Variants in MLLT3 observed in about 807,000 individuals in gnomAD.
The protein encoded by MLLT3 is protein AF-9.
In MLLT3, 4 loss-of-function variants were observed where a neutral mutation model predicts 53.2. The observed-to-expected ratio is 0.08, with a 90% CI of 0.04 to 0.17. MLLT3 has a LOEUF of 0.17. Ranked by LOEUF, MLLT3 falls within the 10% of genes least tolerant of loss-of-function variation. MLLT3 has a pLI of 1.00. For missense variants in MLLT3, 569 were observed against 684.0 expected, an observed-to-expected ratio of 0.83 and a Z score of 1.87; for synonymous variants, 283 against 230.6, an observed-to-expected ratio of 1.23 and a Z score of -2.06.
intron 2 of MLLT3, among the ~76,000 whole-genome samples, chr9:20,487,352 T>G (rs1219805707): frequency 6.6e-6 from 1 of 152,164 alleles, no homozygotes; most frequent in Admixed American, 6.5e-5. Flanking sequence ...ATAGGACTTT[T>G]GCTACTAGGA....
intron 2 of MLLT3, among the ~76,000 whole-genome samples, chr9:20,599,506 T>C (rs1231940484): frequency 1.3e-5 from 2 of 150,864 alleles, no homozygotes; most frequent in Admixed American, 6.6e-5. Flanking sequence ...TTTCTCCCCA[T>C]TGTCCATGGT....
chr9:20,353,491 T>C, intron 10 of MLLT3, 34 bp downstream of exon 10: 1 of 1,590,624 alleles, frequency 6.3e-7, no homozygotes, highest in South Asian at 1.1e-5. Context: ...TCTTGAAGTT[T>C]CTGGAAAGGG....
intron 2 of MLLT3, among the ~76,000 whole-genome samples, chr9:20,467,968 C>G (rs569603029): frequency 6.6e-6 from 1 of 152,108 alleles, no homozygotes; most frequent in Non-Finnish European, 1.5e-5. Context: ...GTATGTATAA[C>G]GTGGAGACAG....
chr9:20,397,445 G>A (rs1331078475), intron 5 of MLLT3, among the ~76,000 whole-genome samples: 1 of 152,064 alleles, frequency 6.6e-6, no homozygotes, highest in Non-Finnish European at 1.5e-5. Flanking sequence ...ATGCTTTTCA[G>A]GCGATTGGAG....
chr9:20,379,472 T>A (rs1821855103), intron 5 of MLLT3, among the ~76,000 whole-genome samples: 1 of 152,066 alleles, frequency 6.6e-6, no homozygotes, highest in Non-Finnish European at 1.5e-5. Context: ...TTGAATTTTC[T>A]CTAGCCCTAA....
intron 5 of MLLT3, among the ~76,000 whole-genome samples, chr9:20,396,471 A>T (rs978775953): frequency 6.6e-6 from 1 of 152,146 alleles, no homozygotes; most frequent in Admixed American, 6.5e-5. Flanking sequence ...TCACAGAGCT[A>T]GTTAAACTGT....
At chr9:20,359,027 C>A (rs899745710) in intron 8 of MLLT3, among the ~76,000 whole-genome samples, 6 of 151,700 alleles carry the variant, frequency 4.0e-5, no homozygotes, top group Admixed American at 3.9e-4. Context: ...CACCTGTAGT[C>A]CCAGCTACTC....
intron 4 of MLLT3, among the ~76,000 whole-genome samples, chr9:20,417,110 T>C (rs1417173892): frequency 6.6e-6 from 1 of 150,910 alleles, no homozygotes; most frequent in Non-Finnish European, 1.5e-5. Context: ...GTAGCTCAGA[T>C]ACACAGCCAG....
intron 10 of MLLT3, among the ~76,000 whole-genome samples, chr9:20,350,575 A>G (rs1401546739): frequency 7.5e-6 from 1 of 133,320 alleles, no homozygotes; most frequent in Admixed American, 7.3e-5. Flanking sequence ...AGCCTGGGCG[A>G]CAGAGCGAGA....
chr9:20,378,353 C>T lies in MLLT3; in HGVS notation c.1126-12609G>A, dbSNP rs950435252. Among the ~76,000 whole-genome samples, 16 of 152,084 alleles carry T rather than the reference C, an allele frequency of 1.1e-4. 1 individual carries two copies. Among genetic ancestry groups the T allele is most frequent in the East Asian group, 5.8e-4 (3 of 5,188 alleles). ...CATGATTTCAAGCTCTGGAGTGATACATGCTAAATAAACAGGACAGTCTCA... is the reference window on the plus strand; with the variant it reads ...CATGATTTCAAGCTCTGGAGTGATATATGCTAAATAAACAGGACAGTCTCA... On this transcript the variant is annotated intron_variant, in intron 5 of 10. Transcript: ENST00000380338.
intron 2 of MLLT3, among the ~76,000 whole-genome samples, chr9:20,542,473 A>T (rs1241552143): frequency 6.6e-6 from 1 of 152,052 alleles, no homozygotes; most frequent in Non-Finnish European, 1.5e-5. Flanking sequence ...GATGGTCTCG[A>T]TCTCCTGACC....
intron 2 of MLLT3, among the ~76,000 whole-genome samples, chr9:20,541,655 C>T (rs1818633850): frequency 6.6e-6 from 1 of 152,296 alleles, no homozygotes; most frequent in Admixed American, 6.5e-5. Flanking sequence ...CCTCCCCTGA[C>T]ATGTGGGAAT....
At chr9:20,375,266 A>C (rs947941079) in intron 5 of MLLT3, among the ~76,000 whole-genome samples, 1 of 152,268 alleles carries the variant, frequency 6.6e-6, no homozygotes, top group Non-Finnish European at 1.5e-5. Flanking sequence ...TAGGTGAATT[A>C]GAACCGGATT....
chr9:20,530,674 G>C (rs753781656), intron 2 of MLLT3, among the ~76,000 whole-genome samples: 10 of 152,164 alleles, frequency 6.6e-5, no homozygotes, highest in Non-Finnish European at 1.2e-4. Flanking sequence ...TGTATAAATT[G>C]CTTGCACATT....
At chr9:20,370,431 C>A (rs1475057397) in intron 5 of MLLT3, among the ~76,000 whole-genome samples, 1 of 152,036 alleles carries the variant, frequency 6.6e-6, no homozygotes, top group Non-Finnish European at 1.5e-5. Context: ...TCCCTATTCC[C>A]TGAGATACAA....
intron 4 of MLLT3, among the ~76,000 whole-genome samples, chr9:20,446,314 C>T (rs1344241787): frequency 1.3e-5 from 2 of 152,122 alleles, no homozygotes; most frequent in Non-Finnish European, 2.9e-5. Context: ...AGCACTTAAA[C>T]ACAAAGAAGG....
In MLLT3 at chr9:20,621,705, T is replaced by C. The variant is rs913698759; in HGVS notation, c.12+540A>G. ...GCACCTCCCGGCGCTGGGGCAAAGT[T>C]GCGTGCGGCCCCGCCGCTGTCAGCC... On this transcript the variant is annotated intron_variant, in intron 1 of 10. Transcript: ENST00000380338. This position sits in a 1 kb window ranked among gnomAD's most constrained non-coding sequence, Gnocchi z 7.0. 4 of 1,450,816 alleles carry C rather than the reference T, an allele frequency of 2.8e-6. No individual in the cohort carries two copies. Among genetic ancestry groups the C allele is most frequent in the South Asian group, 1.3e-5 (1 of 78,768 alleles). The allele number at this position is 1,450,816 out of a possible 1,614,324, so 89.9% of individuals were successfully genotyped here.
At chr9:20,571,612 C>G (rs1819534814) in intron 2 of MLLT3, among the ~76,000 whole-genome samples, 1 of 152,092 alleles carries the variant, frequency 6.6e-6, no homozygotes, top group Non-Finnish European at 1.5e-5. Context: ...CCAGACAGGC[C>G]CTGGTGTGTG....
At chr9:20,372,977 C>T (rs1821653308) in intron 5 of MLLT3, among the ~76,000 whole-genome samples, 1 of 152,184 alleles carries the variant, frequency 6.6e-6, no homozygotes, top group East Asian at 1.9e-4. Flanking sequence ...TTTTATTGTG[C>T]TATTTGCTTT....
Sources: gnomAD v4.1 joint callset for allele counts (sites outside exome capture counted in the v4.1 genomes callset) on GRCh38, gnomAD v4.1.1 for gene constraint, Gnocchi (gnomAD v3.1) non-coding constraint, MANE v1.5 for transcripts, NCBI Gene and HGNC (gene_info 2026-07-23, HGNC 2026-07-21) for gene names.